The following C3orf70 variants were observed in gnomAD, a reference collection of about 807,000 sequenced individuals.
C3orf70 encodes UPF0524 protein C3orf70.
C3orf70 carries 15 observed loss-of-function variants against 20.7 expected under a neutral mutation model. The observed-to-expected ratio is 0.72, with a 90% CI of 0.48 to 1.11. C3orf70 has a LOEUF of 1.11. Ranked by LOEUF, C3orf70 falls within the 50% of genes most tolerant of loss-of-function variation. The probability of loss-of-function intolerance (pLI) is 0.00; values close to 1 mark genes in which losing one functional copy is unlikely to be tolerated. For synonymous variants in C3orf70, 161 were observed against 125.7 expected, an observed-to-expected ratio of 1.28 and a Z score of -1.88; for missense variants, 332 against 317.6, an observed-to-expected ratio of 1.05 and a Z score of -0.34.
intron 1 of C3orf70, among the ~76,000 whole-genome samples, chr3:185,141,895 C>T (rs1479482027): frequency 6.6e-6 from 1 of 151,600 alleles, no homozygotes; most frequent in Non-Finnish European, 1.5e-5. Context: ...TAAAAATAAG[C>T]AGACTCAAAA....
chr3:185,146,760 C>T (rs1216634407), intron 1 of C3orf70, among the ~76,000 whole-genome samples: 1 of 152,150 alleles, frequency 6.6e-6, no homozygotes, highest in East Asian at 1.9e-4. Flanking sequence ...GGCATTTTCC[C>T]GTGGAAGTCA....
rs527547373 is a variant in C3orf70 at position 185,126,127 on chromosome 3, G to A, written c.196+26501C>T. Among the ~76,000 whole-genome samples, 28 of 152,234 alleles carry A rather than the reference G, an allele frequency of 1.8e-4. 2 individuals carry two copies. The South Asian group carries it at 5.8e-3, about 32-fold the overall frequency. ...AACAGGATGTCGATGAAAAAATGAA[G>A]GTAAAAATGATAAATCGCTAACAAT... On this transcript the variant is annotated intron_variant, in intron 1 of 1. Transcript: ENST00000335012.
chr3:185,120,538 A>C (rs956556950), intron 1 of C3orf70, among the ~76,000 whole-genome samples: 3 of 152,156 alleles, frequency 2.0e-5, no homozygotes, highest in African/African-American at 7.2e-5. Context: ...GCAAGGAAAA[A>C]AACAATCCCA....
chr3:185,125,709 C>G (rs1368086959), intron 1 of C3orf70, among the ~76,000 whole-genome samples: 1 of 152,096 alleles, frequency 6.6e-6, no homozygotes, highest in Non-Finnish European at 1.5e-5. Context: ...GGATGAATCT[C>G]GAGATCCTTA....
At chr3:185,118,453 G>A (rs1716227273) in intron 1 of C3orf70, among the ~76,000 whole-genome samples, 1 of 152,074 alleles carries the variant, frequency 6.6e-6, no homozygotes, top group Non-Finnish European at 1.5e-5. Context: ...TAATGACAAG[G>A]GCTGTGTCTT....
At chr3:185,097,071 A>C (rs1230750099) in intron 1 of C3orf70, among the ~76,000 whole-genome samples, 1 of 152,104 alleles carries the variant, frequency 6.6e-6, no homozygotes, top group East Asian at 1.9e-4. Flanking sequence ...ACTCTATATT[A>C]AACTTCCTCC....
At position 185,114,145 on chromosome 3, in the gene C3orf70, G is replaced by A. The variant is rs78643022; in HGVS notation, c.197-30582C>T. On this transcript the variant is annotated intron_variant, in intron 1 of 1. Transcript: ENST00000335012. ...ACCTAGGAGGCACAGGTTGTGGTGA[G>A]CCGAGATCACGCCATTGCACTCCAG... Among the ~76,000 whole-genome samples the A allele has an allele frequency of 4.7e-3, 714 of 152,240 alleles. 3 individuals carry two copies. The highest frequency in any genetic ancestry group is 0.016 in the African/African-American group (649 of 41,518).
At chr3:185,121,372 A>G (rs1481633174) in intron 1 of C3orf70, among the ~76,000 whole-genome samples, 3 of 152,122 alleles carry the variant, frequency 2.0e-5, no homozygotes, top group Non-Finnish European at 2.9e-5. Context: ...AAAAAAAAAA[A>G]AAGAAGCATG....
chr3:185,091,617 A>C (rs570005591), intron 1 of C3orf70, among the ~76,000 whole-genome samples: 65 of 151,520 alleles, frequency 4.3e-4, no homozygotes, highest in African/African-American at 1.5e-3. Flanking sequence ...AGCCCAGGGG[A>C]GTTAGGACAA....
intron 1 of C3orf70, among the ~76,000 whole-genome samples, chr3:185,104,037 A>G (rs574998188): frequency 2.0e-4 from 31 of 152,342 alleles, no homozygotes; most frequent in African/African-American, 6.7e-4. Flanking sequence ...AGCTTTTCAG[A>G]TAAGAGAAGT....
intron 1 of C3orf70, among the ~76,000 whole-genome samples, chr3:185,098,778 C>T (rs112607739): frequency 0.021 from 3,130 of 152,200 alleles, 45 homozygotes; most frequent in East Asian, 0.093. Context: ...CTGAGTAAGC[C>T]AACTGCCCTT....
intron 1 of C3orf70, among the ~76,000 whole-genome samples, chr3:185,094,736 G>T (rs1275797798): frequency 6.6e-6 from 1 of 152,084 alleles, no homozygotes; most frequent in Non-Finnish European, 1.5e-5. Flanking sequence ...GAGTATGTCT[G>T]CCTGTTTCCA....
At chr3:185,110,547 GC>G (rs543519113) in intron 1 of C3orf70, among the ~76,000 whole-genome samples, 2 of 151,026 alleles carry the variant, frequency 1.3e-5, no homozygotes, top group Middle Eastern at 3.2e-3. Context: ...TTAGGAGCAG[GC>G]CCCCCCTCAA....
At chr3:185,102,552 A>C (rs888353546) in intron 1 of C3orf70, among the ~76,000 whole-genome samples, 1 of 152,232 alleles carries the variant, frequency 6.6e-6, no homozygotes, top group Non-Finnish European at 1.5e-5. Flanking sequence ...AGAACTAGAA[A>C]ATCTATTTTA....
At chr3:185,121,649 G>C (rs1399322010) in intron 1 of C3orf70, among the ~76,000 whole-genome samples, 1 of 152,182 alleles carries the variant, frequency 6.6e-6, no homozygotes, top group African/African-American at 2.4e-5. Flanking sequence ...AGAGGAGAGA[G>C]AGTGTAATGA....
At chr3:185,152,560 G>T in intron 1 of C3orf70, 68 bp downstream of exon 1, 1 of 1,421,688 alleles carries the variant, frequency 7.0e-7, no homozygotes, top group Non-Finnish European at 9.4e-7. Context: ...TTCCGGCAGC[G>T]ACCCCGGACG....
intron 1 of C3orf70, among the ~76,000 whole-genome samples, chr3:185,111,917 T>C (rs1019378109): frequency 7.2e-5 from 11 of 152,286 alleles, no homozygotes; most frequent in African/African-American, 2.6e-4. Context: ...AAATGCTAAC[T>C]GAAGTCAAGA....
intron 1 of C3orf70, among the ~76,000 whole-genome samples, chr3:185,107,463 G>A (rs1715968558): frequency 6.6e-6 from 1 of 152,170 alleles, no homozygotes. Context: ...AGGTTTGAAA[G>A]AACCACTTCA....
At chr3:185,146,614 T>C (rs765343320) in intron 1 of C3orf70, among the ~76,000 whole-genome samples, 30 of 152,200 alleles carry the variant, frequency 2.0e-4, no homozygotes, top group Non-Finnish European at 3.4e-4. Flanking sequence ...AAAAAAACTT[T>C]AGTTGACTTT....
Sources: gnomAD v4.1 joint callset for allele counts (sites outside exome capture counted in the v4.1 genomes callset) on GRCh38, gnomAD v4.1.1 for gene constraint, MANE v1.5 for transcripts, NCBI Gene and HGNC (gene_info 2026-07-23, HGNC 2026-07-21) for gene names.